Variants in DGKQ observed in about 807,000 individuals in gnomAD.
DGKQ encodes DAG kinase theta.
In DGKQ, 97 loss-of-function variants were observed where a neutral mutation model predicts 104.2. The ratio of observed to expected loss-of-function variants is 0.93; its 90% CI spans 0.79 to 1.10. The LOEUF (loss-of-function observed/expected upper bound fraction) is 1.10. Ranked by LOEUF, DGKQ falls within the 50% of genes least tolerant of loss-of-function variation. DGKQ has a pLI of 0.00. For missense variants in DGKQ, 1,465 were observed against 1,352.1 expected (o/e 1.08, Z -1.31); for synonymous variants, 736 against 595.2 (o/e 1.24, Z -3.44).
In DGKQ at chr4:962,622, C is replaced by A. The variant is rs778713393; in HGVS notation, c.2036-9G>T. On this transcript the variant is annotated splice_polypyrimidine_tract_variant and intron_variant, in intron 17 of 22. Coordinates refer to ENST00000273814, the MANE Select transcript of DGKQ (RefSeq NM_001347.4). Reference sequence around the variant, plus strand: ...TCGACCAAGGTCATTCCCTGGGACACAAGCAGACACAGAGCATCTGTCCAC... The same window carrying A: ...TCGACCAAGGTCATTCCCTGGGACAAAAGCAGACACAGAGCATCTGTCCAC... 13 of 1,605,410 alleles carry A rather than the reference C, an allele frequency of 8.1e-6. No homozygotes were observed. The highest frequency in any genetic ancestry group is 1.1e-5 in the Non-Finnish European group (13 of 1,178,948).
chr4:966,740 C>T lies in DGKQ; in HGVS notation c.1366+8G>A, dbSNP rs1246274961. The T allele has an allele frequency of 1.9e-6, 3 of 1,605,654 alleles. No homozygotes were observed. Among genetic ancestry groups the T allele is most frequent in the African/African-American group, 2.7e-5 (2 of 74,764 alleles). On this transcript the variant is annotated splice_region_variant and intron_variant, in intron 11 of 22. Transcript: ENST00000273814. The stretch of plus-strand genomic sequence containing the variant: ...GACCGCCACGCCCAGCACGGGCTGT[C>T]TACTCACCGTGCCTGCAGCCCATCG...
chr4:967,713 G>A lies in DGKQ; in HGVS notation c.886+15C>T, dbSNP rs763623189. ...GGACCTCAGTGGAGTTGGGGGGAAT[G>A]AGGCGGGCACTTACCGGACTCCGGA... On this transcript the variant is annotated intron_variant, in intron 7 of 22. Transcript: ENST00000273814. 3.1e-6 allele frequency: 5 copies of A among 1,611,874 alleles called. No individual in the cohort carries two copies. The East Asian group carries it at 8.9e-5, about 29-fold the overall frequency.
intron 21 of DGKQ, 40 bp downstream of exon 21, chr4:961,427 C>T: frequency 1.9e-6 from 3 of 1,551,162 alleles, no homozygotes; most frequent in Non-Finnish European, 1.7e-6. Context: ...ACCGGGGACG[C>T]CCACCCTGGG....
chr4:967,028 C>A lies in DGKQ; in HGVS notation c.1247G>T (p.Arg416Leu). 3.2e-6 allele frequency: 5 copies of A among 1,561,944 alleles called. No homozygotes were observed. In the South Asian group the frequency reaches 3.5e-5, roughly 11 times the overall value. The change falls in exon 10 of 23, where the codon CGA becomes CTA. Residue 416 changes from arginine (R) to leucine (L), a missense_variant. By Grantham distance (102) the Arg-to-Leu change is moderately radical (BLOSUM62 -2). Coordinates refer to ENST00000273814, the MANE Select transcript of DGKQ (RefSeq NM_001347.4). ...GCGGGCCGTGCTCTTCGGGGTCACT[C>A]GCACGGACACGTAGGCCACGCCCAC... ...LKVGVAYVSVRVTPKSTARSV... is the reference protein window; with the variant it reads ...LKVGVAYVSVLVTPKSTARSV...
chr4:962,342 G>A (rs898790943), intron 18 of DGKQ, 93 bp downstream of exon 18: 39 of 1,300,416 alleles, frequency 3.0e-5, no homozygotes, highest in African/African-American at 1.6e-4. Context: ...GCGTACACCC[G>A]AGTGTGGCTG....
Position 971,945 on chromosome 4 carries a change from G to T in DGKQ, c.272-873C>A, listed in dbSNP as rs988451073. Among the ~76,000 whole-genome samples the T allele has an allele frequency of 3.3e-5, 5 of 152,050 alleles. No homozygotes were observed. Among genetic ancestry groups the T allele is most frequent in the African/African-American group, 4.8e-5 (2 of 41,402 alleles). ...CCTAGCCACCCCAGTCTCCAGATGG[G>T]ACCGGGAGAAGCTTCTCCTGGCAGC... On this transcript the variant is annotated intron_variant, in intron 1 of 22. Transcript: ENST00000273814. This position sits in a 1 kb window ranked among gnomAD's most constrained non-coding sequence, Gnocchi z 4.0.
rs1711755974 is a variant in DGKQ, at chr4:960,003, CAA to C, written c.*615_*616del. 1 of 152,802 alleles carries C rather than the reference CAA, an allele frequency of 6.5e-6. No individual in the cohort carries two copies. Among genetic ancestry groups the C allele is most frequent in the Non-Finnish European group, 1.5e-5 (1 of 68,442 alleles). 9.5% of individuals were successfully genotyped at this position (152,802 alleles called of 1,614,324 possible). A position where few individuals can be genotyped will look rare whatever the true frequency, so the allele number is the denominator to read the frequency against. On this transcript the variant is annotated 3_prime_UTR_variant, in exon 23 of 23. Transcript: ENST00000273814. ...GATCCAAGCTGCCATCTGTATATAA[CAA>C]GGCCAGAAAACAAGGGAAGGCACCT...
rs762338449 is a variant in DGKQ at position 962,566 on chromosome 4, C to T, written c.2083G>A (p.Glu695Lys). ...GACAGCAGTACGGAGAACGGGTCCT[C>T]GCCGCTGTAGCCCGCCCCCCAGCGG... is the stretch of plus-strand genomic sequence containing the variant. ...VLRWGAGYSG[E>K]DPFSVLLSVD... The change falls in exon 18 of 23, where the codon GAG (glutamate) becomes AAG (lysine). Residue 695 changes from glutamate (E) to lysine (K), a missense_variant. Glu to Lys is a moderately conservative substitution (Grantham distance 56). Coordinates refer to ENST00000273814, the MANE Select transcript of DGKQ (RefSeq NM_001347.4). 2.0e-5 allele frequency: 33 copies of T among 1,609,874 alleles called. No homozygotes were observed. The highest frequency in any genetic ancestry group is 1.9e-4 in the African/African-American group (14 of 74,938).
Position 967,861 on chromosome 4 carries a change from C to A in DGKQ, c.811+19G>T. 1 of 1,475,950 alleles carries A rather than the reference C, an allele frequency of 6.8e-7. No homozygotes were observed. Among genetic ancestry groups the A allele is most frequent in the South Asian group, 1.4e-5 (1 of 73,126 alleles). 91.4% of individuals were successfully genotyped at this position (1,475,950 alleles called of 1,614,324 possible). The stretch of plus-strand genomic sequence containing the variant: ...GCGCAGCCCCCAGCCCAGGGCGCCC[C>A]GGCCGGCCCGCACCTCACCCGGCTC... On this transcript the variant is annotated intron_variant, in intron 6 of 22. Coordinates refer to ENST00000273814, the MANE Select transcript of DGKQ (RefSeq NM_001347.4).
chr4:962,994 G>T, intron 16 of DGKQ, 74 bp from the exon 17 acceptor site: 2 of 1,537,520 alleles, frequency 1.3e-6, no homozygotes, highest in Non-Finnish European at 1.8e-6. Flanking sequence ...CCTCTTCCAA[G>T]TGCCCGTCCT....
intron 2 of DGKQ, among the ~76,000 whole-genome samples, chr4:969,400 G>A (rs951864562): frequency 6.6e-6 from 1 of 152,258 alleles, no homozygotes; most frequent in African/African-American, 2.4e-5. Context: ...CATAACGAGT[G>A]TGGACCAATG....
intron 20 of DGKQ, 31 bp downstream of exon 20, chr4:961,631 TGAGCCTGCCCATGGCCCCGCCGGGCA>T: frequency 6.2e-7 from 1 of 1,610,686 alleles, no homozygotes. Flanking sequence ...GGACGAGGGC[TGAGCCTGCCCATGGCCCCGCCGGGCA>T]GAGCCTCTGG....
At chr4:970,862 A>G (rs1229071072) in intron 2 of DGKQ, 131 bp downstream of exon 2, 2 of 643,702 alleles carry the variant, frequency 3.1e-6, no homozygotes, top group Non-Finnish European at 5.4e-6. Flanking sequence ...AATCCCGAGC[A>G]GTATCTGCCC....
At position 962,768 on chromosome 4, in the gene DGKQ, C is replaced by G. The variant is rs1373713387; in HGVS notation, c.2035+4G>C. 1.2e-6 allele frequency: 2 copies of G among 1,604,126 alleles called. No homozygotes were observed. Among genetic ancestry groups the G allele is most frequent in the African/African-American group, 2.7e-5 (2 of 74,818 alleles). On this transcript the variant is annotated splice_donor_region_variant and intron_variant, in intron 17 of 22. Coordinates refer to ENST00000273814, the MANE Select transcript of DGKQ (RefSeq NM_001347.4). Reference sequence around the variant, plus strand: ...CCCCTCCTCGGCTGCACGGCTGAGCCCACCTGTGCCCAGGGGCAGGATGGC... The same window carrying G: ...CCCCTCCTCGGCTGCACGGCTGAGCGCACCTGTGCCCAGGGGCAGGATGGC...
In DGKQ at chr4:967,013, C is replaced by G; in HGVS notation, c.1262G>C (p.Ser421Thr). 1 of 1,564,998 alleles carries G rather than the reference C, an allele frequency of 6.4e-7. No individual in the cohort carries two copies. The highest frequency in any genetic ancestry group is 8.6e-7 in the Non-Finnish European group (1 of 1,156,972). ...AYVSVRVTPKSTARSVVLEVL... is the reference protein window; with the variant it reads ...AYVSVRVTPKTTARSVVLEVL... ...CTCCAGCACCACAGAGCGGGCCGTGCTCTTCGGGGTCACTCGCACGGACAC... is the reference window on the plus strand; with the variant it reads ...CTCCAGCACCACAGAGCGGGCCGTGGTCTTCGGGGTCACTCGCACGGACAC... The change falls in exon 10 of 23, where the codon AGC becomes ACC. Residue 421 changes from serine to threonine, a missense_variant. Transcript: ENST00000273814.
At chr4:960,924 C>T in intron 22 of DGKQ, 125 bp downstream of exon 22, 1 of 1,512,988 alleles carries the variant, frequency 6.6e-7, no homozygotes, top group Middle Eastern at 1.8e-4. Flanking sequence ...AGCAGGCACC[C>T]TCCCGGAGTC....
At chr4:960,763 G>A (rs755035611) in intron 22 of DGKQ, 42 bp from the exon 23 acceptor site, 34 of 1,602,470 alleles carry the variant, frequency 2.1e-5, no homozygotes, top group African/African-American at 6.7e-5. Context: ...TGACATGGCC[G>A]ATGAAAGAAC....
At chr4:966,196 A>G in intron 12 of DGKQ, 118 bp from the exon 13 acceptor site, 2 of 1,137,374 alleles carry the variant, frequency 1.8e-6, no homozygotes, top group Middle Eastern at 4.0e-4. Flanking sequence ...CCAGGAATTA[A>G]GTCAACAGGA....
Position 966,454 on chromosome 4 carries a change from A to T in DGKQ, c.1428+12T>A. The T allele has an allele frequency of 6.2e-7, 1 of 1,611,944 alleles. No homozygotes were observed. The highest frequency in any genetic ancestry group is 1.3e-5 in the African/African-American group (1 of 75,016). On this transcript the variant is annotated intron_variant, in intron 12 of 22. Coordinates refer to ENST00000273814, the MANE Select transcript of DGKQ (RefSeq NM_001347.4). The stretch of plus-strand genomic sequence containing the variant: ...GCTGGTTCCCTGGGGGCCGGCGTCC[A>T]CACCCACTCACCTGCCGGATGTCCT...
Sources: allele counts gnomAD v4.1 joint callset (sites outside exome capture counted in the v4.1 genomes callset), GRCh38; gene constraint gnomAD v4.1.1; non-coding constraint Gnocchi (gnomAD v3.1); transcripts MANE v1.5; gene names NCBI Gene and HGNC (gene_info 2026-07-23, HGNC 2026-07-21).